MMP26: variants seen among roughly 807,000 people sequenced by gnomAD.
MMP26 encodes matrix metalloproteinase-26.
Under a neutral mutation model 31.0 loss-of-function variants are expected in MMP26, and 33 were observed. That is an observed-to-expected ratio of 1.06 (90% CI 0.81 to 1.42). MMP26 has a LOEUF of 1.42. MMP26 is among the 40% of genes most tolerant of loss of function. The pLI is 0.00. For synonymous variants in MMP26, 122 were observed against 114.9 expected (o/e 1.06, Z -0.40); for missense variants, 347 against 316.1 (o/e 1.10, Z -0.74).
intron 3 of MMP26, 24 bp from the exon 4 acceptor site, chr11:4,989,624 C>T (rs1013988787): frequency 5.7e-6 from 9 of 1,587,172 alleles, no homozygotes; most frequent in South Asian, 5.6e-5. Context: ...ACTCTTAGTA[C>T]TCATCCTTCT....
chr11:4,869,217 G>T (rs1156941634), intron 2 of MMP26, among the ~76,000 whole-genome samples: 1 of 152,182 alleles, frequency 6.6e-6, no homozygotes, highest in South Asian at 2.1e-4. Flanking sequence ...ATGGACAAAT[G>T]GGATCTAATT....
chr11:4,706,519 A>G (rs1226750877), intron 1 of MMP26, among the ~76,000 whole-genome samples: 1 of 147,926 alleles, frequency 6.8e-6, no homozygotes, highest in Non-Finnish European at 1.5e-5. Context: ...TTGAGGCTAC[A>G]GTGAGCAGTG....
intron 2 of MMP26, among the ~76,000 whole-genome samples, chr11:4,976,847 C>A (rs1422461797): frequency 6.6e-6 from 1 of 151,976 alleles, no homozygotes; most frequent in East Asian, 1.9e-4. Flanking sequence ...TGCTCTTTCG[C>A]CTGCAGTTAT....
chr11:4,853,205 C>G (rs550331638), intron 2 of MMP26, among the ~76,000 whole-genome samples: 4 of 152,068 alleles, frequency 2.6e-5, no homozygotes, highest in Non-Finnish European at 5.9e-5. Flanking sequence ...TAGGTATCCT[C>G]CAAACACACA....
chr11:4,711,003 T>C (rs1847855958), intron 1 of MMP26: 1 of 152,702 alleles, frequency 6.5e-6, no homozygotes, highest in African/African-American at 2.4e-5. Context: ...ACTTTCCTAA[T>C]TCTTAAAAGA....
At chr11:4,979,639 G>A (rs1018879077) in intron 2 of MMP26, among the ~76,000 whole-genome samples, 3 of 152,106 alleles carry the variant, frequency 2.0e-5, no homozygotes, top group African/African-American at 7.2e-5. Flanking sequence ...CAGGGTGGCT[G>A]ATGAAACTTA....
chr11:4,855,740 C>T (rs545172153), intron 2 of MMP26, among the ~76,000 whole-genome samples: 2 of 152,186 alleles, frequency 1.3e-5, no homozygotes, highest in East Asian at 1.9e-4. Context: ...TGATACTCCT[C>T]GAGAAGAGCA....
chr11:4,723,866 C>A (rs535267661), intron 1 of MMP26: 23 of 1,319,762 alleles, frequency 1.7e-5, no homozygotes, highest in African/African-American at 1.3e-4. Flanking sequence ...ATGAAGGAGG[C>A]AAACTAGCTG....
chr11:4,937,093 A>AAGC (rs1181730455), intron 2 of MMP26, among the ~76,000 whole-genome samples: 4 of 152,178 alleles, frequency 2.6e-5, no homozygotes, highest in African/African-American at 7.2e-5. Context: ...AAAAAGCAGG[A>AAGC]AGCAGATGCT....
intron 2 of MMP26, among the ~76,000 whole-genome samples, chr11:4,920,510 A>G (rs1851167928): frequency 1.3e-5 from 2 of 152,224 alleles, no homozygotes; most frequent in Admixed American, 1.3e-4. Context: ...CAGAAAGGAA[A>G]TCTCCATACT....
In MMP26 at chr11:4,988,111, C is replaced by A; in HGVS notation, c.-101C>A. The A allele has an allele frequency of 9.6e-7, 1 of 1,043,976 alleles. No homozygotes were observed. The allele number at this position is 1,043,976 out of a possible 1,614,324, so 64.7% of individuals were successfully genotyped here. ...CTCACAGATTCAAAGAAAGGGCAAA[C>A]TGGCAGAGTGAGTCATTGGATGTTG... On this transcript the variant is annotated 5_prime_UTR_variant, in exon 3 of 8. In the 5' UTR this introduces an upstream ATG that the reference lacks. Transcript: ENST00000380390.
intron 2 of MMP26, among the ~76,000 whole-genome samples, chr11:4,813,835 A>C (rs1849383682): frequency 6.6e-6 from 1 of 152,062 alleles, no homozygotes; most frequent in South Asian, 2.1e-4. Flanking sequence ...ATAAAAAAAA[A>C]TCTCCTTCAA....
At chr11:4,860,554 A>C in intron 2 of MMP26, 2 of 464,472 alleles carry the variant, frequency 4.3e-6, no homozygotes, top group South Asian at 1.6e-5. Flanking sequence ...TGATGCATTC[A>C]AGTTCGTCAT....
intron 2 of MMP26, among the ~76,000 whole-genome samples, chr11:4,782,242 A>C (rs1355432826): frequency 6.6e-6 from 1 of 152,226 alleles, no homozygotes; most frequent in African/African-American, 2.4e-5. Context: ...TTTGACAAAA[A>C]TGCTGATAAT....
chr11:4,805,853 A>G (rs938410151), intron 2 of MMP26, among the ~76,000 whole-genome samples: 2 of 152,100 alleles, frequency 1.3e-5, no homozygotes, highest in African/African-American at 2.4e-5. Flanking sequence ...GGTGATCACT[A>G]TCAATCTCAG....
chr11:4,924,345 T>A, intron 2 of MMP26: 1 of 1,589,480 alleles, frequency 6.3e-7, no homozygotes, highest in South Asian at 1.2e-5. Flanking sequence ...GTCATAGCTT[T>A]ACAATCTTGG....
chr11:4,745,908 T>C (rs11033678), intron 1 of MMP26, among the ~76,000 whole-genome samples: 9,251 of 152,262 alleles, frequency 0.061, 651 homozygotes, highest in African/African-American at 0.17. Flanking sequence ...GTATTTAAGT[T>C]TCTTTAATGT....
chr11:4,804,464 C>T, intron 2 of MMP26: 1 of 1,098,826 alleles, frequency 9.1e-7, no homozygotes, highest in Non-Finnish European at 1.4e-6. Flanking sequence ...TTATTATATA[C>T]AAGGCTTTTG....
chr11:4,810,236 T>A (rs1241178266), intron 2 of MMP26, among the ~76,000 whole-genome samples: 1 of 51,582 alleles, frequency 1.9e-5, no homozygotes, highest in African/African-American at 4.5e-5. Flanking sequence ...TATGCATGTA[T>A]TTTTTTTTTT....
Sources: allele counts gnomAD v4.1 joint callset (sites outside exome capture counted in the v4.1 genomes callset), GRCh38; gene constraint gnomAD v4.1.1; transcripts MANE v1.5; gene names NCBI Gene and HGNC (gene_info 2026-07-23, HGNC 2026-07-21).